DPP6: variants seen among roughly 807,000 people sequenced by gnomAD.
The protein encoded by DPP6 is A-type potassium channel modulatory protein DPP6.
DPP6 carries 69 observed loss-of-function variants against 122.6 expected under a neutral mutation model. The ratio of observed to expected loss-of-function variants is 0.56; its 90% CI spans 0.46 to 0.69. DPP6 has a LOEUF of 0.69. Among genes scored for constraint, DPP6 ranks in the 30% least tolerant of loss-of-function variants. The pLI is 0.00. For missense variants in DPP6, 928 were observed against 1,116.9 expected (o/e 0.83, Z 2.41); for synonymous variants, 418 against 433.1 (o/e 0.97, Z 0.43).
intron 1 of DPP6, among the ~76,000 whole-genome samples, chr7:154,351,376 G>T (rs549029226): frequency 6.6e-5 from 10 of 152,100 alleles, no homozygotes; most frequent in African/African-American, 2.2e-4. Context: ...ACCCTAGCTC[G>T]GGTGGAAACA....
At chr7:154,399,806 G>T (rs553361250) in intron 1 of DPP6, among the ~76,000 whole-genome samples, 13 of 152,174 alleles carry the variant, frequency 8.5e-5, no homozygotes, top group Non-Finnish European at 1.6e-4. Context: ...ACTTTAAATG[G>T]CTAAGAAAGG....
intron 1 of DPP6, among the ~76,000 whole-genome samples, chr7:154,280,979 CTTATT>C (rs1198441428): frequency 1.6e-5 from 2 of 128,928 alleles, no homozygotes; most frequent in African/African-American, 3.2e-5. Flanking sequence ...AATTTTATTT[CTTATT>C]TTATTTATTT....
chr7:154,615,040 C>T lies in DPP6; in HGVS notation c.628-22781C>T, dbSNP rs139875994. Among the ~76,000 whole-genome samples the T allele has an allele frequency of 1.2e-4, 19 of 152,248 alleles. No homozygotes were observed. The East Asian group carries it at 1.7e-3, about 14-fold the overall frequency. On this transcript the variant is annotated intron_variant, in intron 5 of 25. Transcript: ENST00000377770. ...CTGGAGGCCCCTATTTGACAAGAGA[C>T]GGTCAGAACTTAGTGTGTGTTTTCT... is the stretch of plus-strand genomic sequence containing the variant.
chr7:154,885,843 C>G lies in DPP6; in HGVS notation c.2245+99C>G, dbSNP rs1057362581. On this transcript the variant is annotated intron_variant, in intron 22 of 25. Coordinates refer to ENST00000377770, the MANE Select transcript of DPP6 (RefSeq NM_130797.4). ...AGCCCTCCCTTCAGCACCACCGTCCCGCTAACCACAGGTGCCTCCAGGCCA... is the reference window on the plus strand; with the variant it reads ...AGCCCTCCCTTCAGCACCACCGTCCGGCTAACCACAGGTGCCTCCAGGCCA... 10 of 1,486,904 alleles carry G rather than the reference C, an allele frequency of 6.7e-6. No individual in the cohort carries two copies. The African/African-American group carries it at 7.0e-5, about 10-fold the overall frequency. 92.1% of individuals were successfully genotyped at this position (1,486,904 alleles called of 1,614,324 possible).
At chr7:154,188,411 T>C (rs1243964454) in intron 1 of DPP6, among the ~76,000 whole-genome samples, 1 of 152,146 alleles carries the variant, frequency 6.6e-6, no homozygotes, top group Non-Finnish European at 1.5e-5. Context: ...TAAGACATAG[T>C]CCTTATCTTA....
chr7:154,088,809 T>C (rs2150545208), intron 1 of DPP6, among the ~76,000 whole-genome samples: 1 of 152,366 alleles, frequency 6.6e-6, no homozygotes, highest in Admixed American at 6.5e-5. Flanking sequence ...GTCTGTGCTC[T>C]CTGATATACG....
intron 16 of DPP6, among the ~76,000 whole-genome samples, chr7:154,845,294 T>A (rs1801858374): frequency 6.6e-6 from 1 of 152,232 alleles, no homozygotes; most frequent in African/African-American, 2.4e-5. Context: ...TCAGAGCAGC[T>A]ATGGCTTTAA....
At chr7:154,673,883 T>TA (rs1563089180) in intron 7 of DPP6, among the ~76,000 whole-genome samples, 1 of 112,358 alleles carries the variant, frequency 8.9e-6, no homozygotes, top group Admixed American at 8.1e-5. Context: ...GTTTCTTTCT[T>TA]TTTTTTTTTT....
At chr7:154,583,697 G>A (rs556383063) in intron 5 of DPP6, among the ~76,000 whole-genome samples, 14 of 152,224 alleles carry the variant, frequency 9.2e-5, no homozygotes, top group Middle Eastern at 3.4e-3. Context: ...CATATGATTC[G>A]TGCGCACACT....
chr7:153,905,830 C>G (rs180942115), intron 1 of DPP6, among the ~76,000 whole-genome samples: 2 of 152,250 alleles, frequency 1.3e-5, no homozygotes, highest in Admixed American at 1.3e-4. Flanking sequence ...GACCAACACA[C>G]GAGCAGCATC....
At chr7:154,152,882 AC>A (rs1796493321) in intron 1 of DPP6, among the ~76,000 whole-genome samples, 1 of 152,258 alleles carries the variant, frequency 6.6e-6, no homozygotes, top group East Asian at 1.9e-4. Context: ...GACTGCAAGT[AC>A]CTGCCCAAAT....
intron 1 of DPP6, among the ~76,000 whole-genome samples, chr7:153,973,190 T>C (rs369196139): frequency 6.6e-6 from 1 of 152,184 alleles, no homozygotes; most frequent in South Asian, 2.1e-4. Flanking sequence ...TGCTTTCTCG[T>C]TGTTGGTATT....
At chr7:153,941,615 C>T (rs1452259140) in intron 1 of DPP6, among the ~76,000 whole-genome samples, 1 of 152,206 alleles carries the variant, frequency 6.6e-6, no homozygotes, top group Admixed American at 6.5e-5. Flanking sequence ...CATTTATCTA[C>T]AGCAGCCTCA....
At chr7:154,382,073 CTT>C (rs55970006) in intron 1 of DPP6, among the ~76,000 whole-genome samples, 3,479 of 130,826 alleles carry the variant, frequency 0.027, 136 homozygotes, top group African/African-American at 0.092. Context: ...TTTTTTTTTC[CTT>C]TTTTTTTTTT....
At chr7:154,600,282 C>T (rs1220997397) in intron 5 of DPP6, among the ~76,000 whole-genome samples, 4 of 118,852 alleles carry the variant, frequency 3.4e-5, no homozygotes, top group Admixed American at 1.9e-4. Flanking sequence ...CACTTGCCAC[C>T]GTGCCCGGCT....
chr7:154,094,306 A>G (rs1296948539), intron 1 of DPP6: 1 of 152,258 alleles, frequency 6.6e-6, no homozygotes, highest in East Asian at 1.9e-4. Context: ...GGATTGTTCA[A>G]GGGAAAGTTA....
At chr7:154,273,880 T>C (rs777080732) in intron 1 of DPP6, among the ~76,000 whole-genome samples, 9 of 152,336 alleles carry the variant, frequency 5.9e-5, no homozygotes, top group Middle Eastern at 3.4e-3. Context: ...CTATAAATGC[T>C]ATCAACACTT....
Position 154,892,752 on chromosome 7 carries a change from TC to T in DPP6, c.*277del. 1.5e-6 allele frequency: 1 copy of T among 672,766 alleles called. No individual in the cohort carries two copies. Among genetic ancestry groups the T allele is most frequent in the Non-Finnish European group, 2.7e-6 (1 of 370,370 alleles). The allele number at this position is 672,766 out of a possible 1,614,324, so 41.7% of individuals were successfully genotyped here. On this transcript the variant is annotated 3_prime_UTR_variant, in exon 26 of 26. Transcript: ENST00000377770. ...CGAGAGACCGGCACGCCACGGCCCC[TC>T]CCCCAAGGAACAGAGCAAAGGATGG...
intron 1 of DPP6, among the ~76,000 whole-genome samples, chr7:153,946,479 G>GT (rs1022454182): frequency 1.3e-5 from 2 of 152,074 alleles, no homozygotes; most frequent in African/African-American, 4.8e-5. Context: ...GCAGTGAGGG[G>GT]TCACTTTCAT....
Sources: gnomAD v4.1 joint callset for allele counts (sites outside exome capture counted in the v4.1 genomes callset) on GRCh38, gnomAD v4.1.1 for gene constraint, MANE v1.5 for transcripts, NCBI Gene and HGNC (gene_info 2026-07-23, HGNC 2026-07-21) for gene names.